PHACTR2: variants seen among roughly 807,000 people sequenced by gnomAD.
The protein encoded by PHACTR2 is phosphatase and actin regulator 2.
Under a neutral mutation model 76.0 loss-of-function variants are expected in PHACTR2, and 30 were observed. The observed-to-expected ratio is 0.39, with a 90% CI of 0.30 to 0.54. The LOEUF (loss-of-function observed/expected upper bound fraction) is 0.54, where lower values mean the gene tolerates loss of function less well. Ranked by LOEUF, PHACTR2 falls within the 20% of genes least tolerant of loss-of-function variation. PHACTR2 has a pLI of 0.61. For synonymous variants in PHACTR2, 292 were observed against 292.5 expected, an observed-to-expected ratio of 1.00 and a Z score of 0.02; for missense variants, 696 against 781.1, an observed-to-expected ratio of 0.89 and a Z score of 1.30.
In PHACTR2 at chr6:143,775,040, T is replaced by A. The variant is rs1302171134; in HGVS notation, c.1589+825T>A. Among the ~76,000 whole-genome samples the A allele has an allele frequency of 1.3e-5, 2 of 152,292 alleles. No homozygotes were observed. The highest frequency in any genetic ancestry group is 3.9e-4 in the East Asian group (2 of 5,184). On this transcript the variant is annotated intron_variant, in intron 8 of 12. Transcript: ENST00000440869. This position sits in a 1 kb window ranked among gnomAD's most constrained non-coding sequence, Gnocchi z 4.4. ...ACTGGGAGAAAGGAACTGTCTAGAA[T>A]CCCAGAGCAGGATTTGGAGGTGGGG... is the stretch of plus-strand genomic sequence containing the variant.
rs2128443703 is a variant in PHACTR2, at chr6:143,639,592, G to A, written c.13+31270G>A. 6.6e-6 allele frequency among the ~76,000 whole-genome samples: 1 copy of A among 152,282 alleles called. No homozygotes were observed. The highest frequency in any genetic ancestry group is 2.4e-5 in the African/African-American group (1 of 41,566). On this transcript the variant is annotated intron_variant, in intron 1 of 11. Coordinates refer to the PHACTR2 transcript ENST00000305766. This position sits in a 1 kb window ranked among gnomAD's most constrained non-coding sequence, Gnocchi z 5.0. Reference sequence around the variant, plus strand: ...TTTAGGTTTGGGAGTGAGAAAGCCTGATTATAGCGGGAGGGATTACTAACT... The same window carrying A: ...TTTAGGTTTGGGAGTGAGAAAGCCTAATTATAGCGGGAGGGATTACTAACT...
intron 1 of PHACTR2, among the ~76,000 whole-genome samples, chr6:143,622,875 AC>A (rs1286861224): frequency 6.6e-6 from 1 of 152,222 alleles, no homozygotes; most frequent in African/African-American, 2.4e-5. Flanking sequence ...AGGAAGATGT[AC>A]CATATACTTT....
intron 1 of PHACTR2, among the ~76,000 whole-genome samples, chr6:143,620,155 G>A (rs1282192784): frequency 6.6e-6 from 1 of 152,154 alleles, no homozygotes; most frequent in African/African-American, 2.4e-5. Flanking sequence ...GGAAAACCAG[G>A]AGCTCTGTAG....
At chr6:143,651,007 C>T (rs140862210) in intron 1 of PHACTR2, among the ~76,000 whole-genome samples, 1 of 151,906 alleles carries the variant, frequency 6.6e-6, no homozygotes, top group East Asian at 1.9e-4. Flanking sequence ...AACAAACAAC[C>T]CCATTAAAAA....
chr6:143,551,320 G>T (rs1008178849), intron 1 of PHACTR2, among the ~76,000 whole-genome samples: 82 of 152,118 alleles, frequency 5.4e-4, no homozygotes, highest in African/African-American at 1.8e-3. Flanking sequence ...ATTAGGTACA[G>T]TAAGGACAAC....
intron 1 of PHACTR2, among the ~76,000 whole-genome samples, chr6:143,601,895 T>G (rs903846852): frequency 2.0e-5 from 3 of 152,222 alleles, no homozygotes; most frequent in African/African-American, 7.2e-5. Context: ...TTTTAAAAAA[T>G]TTTTAATTAT....
chr6:143,682,452 AGATCCACCCACCTGG>A lies in PHACTR2; in HGVS notation c.46+4245_46+4259del, dbSNP rs536858408. 8.5e-5 allele frequency among the ~76,000 whole-genome samples: 13 copies of A among 152,210 alleles called. No individual in the cohort carries two copies. In the South Asian group the frequency reaches 2.7e-3, roughly 32 times the overall value. On this transcript the variant is annotated intron_variant, in intron 1 of 12. Coordinates refer to ENST00000440869, the MANE Select transcript of PHACTR2 (RefSeq NM_001100164.2). ...CTGGTCTCAAATTCGAGATCTCAAGAGATCCACCCACCTGGGCCTTCCAATATTGCAGGGATTATA... is the reference window on the plus strand; with the variant it reads ...CTGGTCTCAAATTCGAGATCTCAAGAGCCTTCCAATATTGCAGGGATTATA...
chr6:143,808,156 G>T (rs1346207878), intron 12 of PHACTR2, among the ~76,000 whole-genome samples: 1 of 143,842 alleles, frequency 7.0e-6, no homozygotes. Flanking sequence ...TTGAGACAGA[G>T]TCTTGCTCTG....
At chr6:143,745,351 G>A (rs1164422244) in intron 2 of PHACTR2, among the ~76,000 whole-genome samples, 5 of 152,192 alleles carry the variant, frequency 3.3e-5, no homozygotes. Flanking sequence ...CAGGGAGTGC[G>A]ATTTGACTCC....
In PHACTR2 at chr6:143,729,867, A is replaced by AT. The variant is rs200279970; in HGVS notation, c.214+17692dup. ...AGGCTCTTAATTTTGATGAAATACC[A>AT]TTTTTTTTCTCTTTTCAGATCATGC... On this transcript the variant is annotated intron_variant, in intron 2 of 12. Transcript: ENST00000440869. Among the ~76,000 whole-genome samples, 671 of 151,654 alleles carry AT rather than the reference A, an allele frequency of 4.4e-3. 1 individual carries two copies. Among genetic ancestry groups the AT allele is most frequent in the Non-Finnish European group, 7.1e-3 (479 of 67,848 alleles).
chr6:143,601,798 C>T (rs1775817108), intron 1 of PHACTR2, among the ~76,000 whole-genome samples: 1 of 152,154 alleles, frequency 6.6e-6, no homozygotes, highest in South Asian at 2.1e-4. Context: ...TATGTATTAG[C>T]AATCTTAAAA....
intron 2 of PHACTR2, among the ~76,000 whole-genome samples, chr6:143,740,156 C>A (rs1185644467): frequency 1.3e-5 from 2 of 152,048 alleles, no homozygotes; most frequent in Admixed American, 6.6e-5. Context: ...CTTTTTAGAC[C>A]GTATAGGGTA....
intron 12 of PHACTR2, among the ~76,000 whole-genome samples, chr6:143,813,617 C>CAAAAAA (rs373797909): frequency 3.2e-5 from 2 of 63,120 alleles, no homozygotes; most frequent in Non-Finnish European, 6.1e-5. Flanking sequence ...GACTCCGCCT[C>CAAAAAA]AAAAAAAAAA....
At position 143,730,973 on chromosome 6, in the gene PHACTR2, T is replaced by C. The variant is rs1778686975; in HGVS notation, c.215-18012T>C. On this transcript the variant is annotated intron_variant, in intron 2 of 12. Coordinates refer to ENST00000440869, the MANE Select transcript of PHACTR2 (RefSeq NM_001100164.2). This position sits in a 1 kb window ranked among gnomAD's most constrained non-coding sequence, Gnocchi z 4.8. ...ATGTTGGCCCCAGGCTGGTCTGGAA[T>C]TCCTGACAACATGATCCGCCTGCCT... is the stretch of plus-strand genomic sequence containing the variant. Among the ~76,000 whole-genome samples, 1 of 152,180 alleles carries C rather than the reference T, an allele frequency of 6.6e-6. No individual in the cohort carries two copies.
At chr6:143,692,469 T>C (rs997694054) in intron 1 of PHACTR2, among the ~76,000 whole-genome samples, 5 of 152,200 alleles carry the variant, frequency 3.3e-5, no homozygotes, top group Non-Finnish European at 4.4e-5. Flanking sequence ...ATACATCTAA[T>C]GTTCTGTCGC....
At chr6:143,573,736 T>C (rs1352259672) in intron 1 of PHACTR2, among the ~76,000 whole-genome samples, 1 of 152,234 alleles carries the variant, frequency 6.6e-6, no homozygotes, top group Non-Finnish European at 1.5e-5. Flanking sequence ...AACTAAATTA[T>C]GATGTCCTTG....
Position 143,548,535 on chromosome 6 carries a change from C to T in PHACTR2, c.217+11328C>T, listed in dbSNP as rs561388872. On this transcript the variant is annotated intron_variant, in intron 1 of 11. Coordinates refer to the PHACTR2 transcript ENST00000367584. This position sits in a 1 kb window ranked among gnomAD's most constrained non-coding sequence, Gnocchi z 4.5. ...AGCAGAGAGGGCTTCCCTTGGAATC[C>T]AATTCCACACACCAGCCTGGGCCAG... Among the ~76,000 whole-genome samples the T allele has an allele frequency of 2.6e-5, 4 of 152,166 alleles. No individual in the cohort carries two copies. The South Asian group carries it at 8.3e-4, about 32-fold the overall frequency.
chr6:143,762,485 G>T (rs1779464920), intron 5 of PHACTR2, among the ~76,000 whole-genome samples: 2 of 152,010 alleles, frequency 1.3e-5, no homozygotes, highest in Non-Finnish European at 1.5e-5. Flanking sequence ...AGAAAACAGG[G>T]GTTGCACTTA....
chr6:143,692,867 C>T (rs1777677748), intron 1 of PHACTR2, among the ~76,000 whole-genome samples: 2 of 152,208 alleles, frequency 1.3e-5, no homozygotes. Flanking sequence ...ATACCACAGA[C>T]TGAGTGGCTG....
Sources: gnomAD v4.1 joint callset for allele counts (sites outside exome capture counted in the v4.1 genomes callset) on GRCh38, gnomAD v4.1.1 for gene constraint, Gnocchi (gnomAD v3.1) non-coding constraint, MANE v1.5 for transcripts, NCBI Gene and HGNC (gene_info 2026-07-23, HGNC 2026-07-21) for gene names.